The following SRGAP3 variants were observed in gnomAD, a reference collection of about 807,000 sequenced individuals.
SRGAP3 encodes the protein SLIT-ROBO Rho GTPase-activating protein 3.
A neutral mutation model predicts 121.1 loss-of-function variants in SRGAP3; 39 were observed. The observed-to-expected ratio is 0.32, with a 90% CI of 0.25 to 0.42. The LOEUF (loss-of-function observed/expected upper bound fraction) is 0.42, where lower values mean the gene tolerates loss of function less well. SRGAP3 is among the 10% of genes least tolerant of loss of function. The pLI, the probability that SRGAP3 is intolerant of heterozygous loss-of-function variation, is 1.00. For missense variants in SRGAP3, 1,213 were observed against 1,470.6 expected (o/e 0.82, Z 2.86); for synonymous variants, 601 against 570.0 (o/e 1.05, Z -0.77).
chr3:9,305,904 T>C (rs1955153089), intron 3 of SRGAP3, among the ~76,000 whole-genome samples: 1 of 152,248 alleles, frequency 6.6e-6, no homozygotes, highest in East Asian at 1.9e-4. Flanking sequence ...GCATGATTTA[T>C]AATCCTTTGG....
chr3:9,099,733 CCCA>C (rs1436055485), intron 3 of SRGAP3, among the ~76,000 whole-genome samples: 1 of 152,178 alleles, frequency 6.6e-6, no homozygotes, highest in Non-Finnish European at 1.5e-5. Context: ...GTTCTCAGGC[CCCA>C]CCTTAAACCT....
At position 8,985,599 on chromosome 3, in the gene SRGAP3, A is replaced by AGCTGCT. The variant is rs746645536; in HGVS notation, c.3214_3219dup (p.Ser1073_Ser1074dup). Reference sequence around the variant, plus strand: ...GTCACGGCCGGGCTGCCCACGCCCGAGCTGCTGCTGCTGCTGGACCGGTGC... The same window carrying AGCTGCT: ...GTCACGGCCGGGCTGCCCACGCCCGAGCTGCTGCTGCTGCTGCTGCTGGACCGGTGC... On this transcript the variant is annotated inframe_insertion, in exon 22 of 22. Coordinates refer to ENST00000383836, the MANE Select transcript of SRGAP3 (RefSeq NM_014850.4). This position sits in a 1 kb window ranked among gnomAD's most constrained non-coding sequence, Gnocchi z 5.1. 5 of 1,595,532 alleles carry AGCTGCT rather than the reference A, an allele frequency of 3.1e-6. No homozygotes were observed. The African/African-American group carries it at 4.0e-5, about 13-fold the overall frequency.
intron 1 of SRGAP3, among the ~76,000 whole-genome samples, chr3:9,208,875 C>T (rs1294882909): frequency 6.6e-6 from 1 of 152,206 alleles, no homozygotes; most frequent in African/African-American, 2.4e-5. Context: ...TTATTGCAAG[C>T]ATTAACTGGA....
chr3:9,125,246 G>A lies in SRGAP3; in HGVS notation c.68-329C>T, dbSNP rs1369999769. ...AGTAAATTGACTCACCTTTCTTACG[G>A]AGATGATCTTGCTTAAAATGCAAAG... On this transcript the variant is annotated intron_variant, in intron 1 of 21. Transcript: ENST00000383836. 2.0e-5 allele frequency among the ~76,000 whole-genome samples: 3 copies of A among 152,282 alleles called. No homozygotes were observed. In the East Asian group the frequency reaches 5.8e-4, roughly 29 times the overall value.
intron 14 of SRGAP3, among the ~76,000 whole-genome samples, chr3:9,022,864 C>A (rs1049013992): frequency 2.2e-4 from 33 of 152,126 alleles, no homozygotes; most frequent in Admixed American, 9.2e-4. Flanking sequence ...ATATTTTTTG[C>A]AGCTGAGATT....
At chr3:9,335,615 A>G (rs1426249429) in intron 1 of SRGAP3, among the ~76,000 whole-genome samples, 2 of 152,196 alleles carry the variant, frequency 1.3e-5, no homozygotes. Context: ...CCACACCAGT[A>G]GCATCAGCAT....
chr3:9,117,079 A>G (rs1948831570), intron 2 of SRGAP3, among the ~76,000 whole-genome samples: 1 of 152,236 alleles, frequency 6.6e-6, no homozygotes, highest in South Asian at 2.1e-4. Context: ...AGGTCTGGAA[A>G]GTAGGACCCC....
chr3:9,248,784 T>C lies in SRGAP3; in HGVS notation c.67+101A>G, dbSNP rs578261634. ...AAGATTATTGATGCATAACATTTCATAATGGCAGAGAGGAAAACGGGGGGC... is the reference window on the plus strand; with the variant it reads ...AAGATTATTGATGCATAACATTTCACAATGGCAGAGAGGAAAACGGGGGGC... On this transcript the variant is annotated intron_variant, in intron 1 of 21. Transcript: ENST00000383836. 2.4e-3 allele frequency: 2,933 copies of C among 1,212,908 alleles called. 6 individuals are homozygous for C. The highest frequency in any genetic ancestry group is 3.3e-3 in the Non-Finnish European group (2,743 of 821,378). The allele number at this position is 1,212,908 out of a possible 1,614,324, so 75.1% of individuals were successfully genotyped here.
intron 3 of SRGAP3, among the ~76,000 whole-genome samples, chr3:9,291,537 C>A (rs377076758): frequency 4.1e-4 from 63 of 151,900 alleles, no homozygotes; most frequent in African/African-American, 1.4e-3. Flanking sequence ...TATCTATGGT[C>A]TATTCTCCCA....
At position 9,267,226 on chromosome 3, in the gene SRGAP3, G is replaced by A. The variant is rs572186867; in HGVS notation, n.442+58784C>T. ...TCCCCCTGTAATGGCCCCAAATGAT[G>A]ACTGAGAAAGATATAGCTCCCAAGG... is the stretch of plus-strand genomic sequence containing the variant. On this transcript the variant is annotated intron_variant and non_coding_transcript_variant, in intron 3 of 3. Coordinates refer to the SRGAP3 transcript ENST00000490889. Among the ~76,000 whole-genome samples the A allele has an allele frequency of 5.3e-5, 8 of 152,230 alleles. 1 individual carries two copies. The South Asian group carries it at 1.5e-3, about 28-fold the overall frequency.
chr3:9,027,816 A>C (rs905651403), intron 12 of SRGAP3, among the ~76,000 whole-genome samples: 1 of 152,240 alleles, frequency 6.6e-6, no homozygotes, highest in Non-Finnish European at 1.5e-5. Context: ...AAATTCTTTT[A>C]AACTTTCTTT....
rs1219570376 is a variant in SRGAP3, at chr3:9,239,609, T to G, written c.67+9276A>C. 2.0e-5 allele frequency among the ~76,000 whole-genome samples: 3 copies of G among 152,174 alleles called. No homozygotes were observed. Among genetic ancestry groups the G allele is most frequent in the African/African-American group, 7.2e-5 (3 of 41,442 alleles). ...AACCTGGAACACTCTGCTGCAGCAGTGTGCACCCCATTACCATCACGCACA... is the reference window on the plus strand; with the variant it reads ...AACCTGGAACACTCTGCTGCAGCAGGGTGCACCCCATTACCATCACGCACA... On this transcript the variant is annotated intron_variant, in intron 1 of 21. Coordinates refer to ENST00000383836, the MANE Select transcript of SRGAP3 (RefSeq NM_014850.4). This position sits in a 1 kb window ranked among gnomAD's most constrained non-coding sequence, Gnocchi z 4.0.
chr3:9,079,964 G>A, intron 4 of SRGAP3, 61 bp downstream of exon 4: 1 of 1,591,428 alleles, frequency 6.3e-7, no homozygotes, highest in Non-Finnish European at 8.6e-7. Context: ...CTTCCCTCCA[G>A]CTCTGGTGAT....
intron 3 of SRGAP3, among the ~76,000 whole-genome samples, chr3:9,320,343 G>A (rs909123362): frequency 6.6e-6 from 1 of 151,946 alleles, no homozygotes; most frequent in Non-Finnish European, 1.5e-5. Context: ...ACCCAATGTT[G>A]GAGGTGGGGC....
chr3:9,361,635 C>T (rs1347619731), intron 1 of SRGAP3, among the ~76,000 whole-genome samples: 3 of 152,154 alleles, frequency 2.0e-5, no homozygotes, highest in African/African-American at 7.2e-5. Flanking sequence ...GTCGGACACA[C>T]CTCTTTATAA....
At chr3:9,327,008 G>C (rs921067240) in intron 2 of SRGAP3, among the ~76,000 whole-genome samples, 14 of 151,202 alleles carry the variant, frequency 9.3e-5, no homozygotes, top group African/African-American at 2.7e-4. Flanking sequence ...TTACTTAAAA[G>C]GTAAATAAAA....
intron 1 of SRGAP3, among the ~76,000 whole-genome samples, chr3:9,145,323 T>C (rs1164916381): frequency 6.6e-6 from 1 of 152,246 alleles, no homozygotes; most frequent in Non-Finnish European, 1.5e-5. Flanking sequence ...CTCGAACTCC[T>C]GACCTCAGGT....
At chr3:9,281,732 G>A (rs1486235251) in intron 3 of SRGAP3, among the ~76,000 whole-genome samples, 3 of 152,076 alleles carry the variant, frequency 2.0e-5, no homozygotes, top group Non-Finnish European at 4.4e-5. Flanking sequence ...GAGAGCAGTG[G>A]CATGATCTGG....
chr3:9,259,612 A>AT (rs1954210779), intron 3 of SRGAP3, among the ~76,000 whole-genome samples: 1 of 152,036 alleles, frequency 6.6e-6, no homozygotes, highest in Admixed American at 6.6e-5. Context: ...CCAGCTACAT[A>AT]TTTGTTTGTT....
Sources: gnomAD v4.1 joint callset for allele counts (sites outside exome capture counted in the v4.1 genomes callset) on GRCh38, gnomAD v4.1.1 for gene constraint, Gnocchi (gnomAD v3.1) non-coding constraint, MANE v1.5 for transcripts, NCBI Gene and HGNC (gene_info 2026-07-23, HGNC 2026-07-21) for gene names.